DGKB: variants seen among roughly 807,000 people sequenced by gnomAD.
DGKB encodes the protein diacylglycerol kinase beta.
In DGKB, 67 loss-of-function variants were observed where a neutral mutation model predicts 114.3. That is an observed-to-expected ratio of 0.59 (90% CI 0.48 to 0.72). The LOEUF is 0.72. DGKB is among the 30% of genes least tolerant of loss of function. DGKB has a pLI of 0.00. For missense variants in DGKB, 907 were observed against 975.2 expected (o/e 0.93, Z 0.93); for synonymous variants, 398 against 323.1 (o/e 1.23, Z -2.49).
At chr7:14,423,392 T>C (rs763306052) in intron 21 of DGKB, among the ~76,000 whole-genome samples, 48 of 152,138 alleles carry the variant, frequency 3.2e-4, no homozygotes, top group Middle Eastern at 3.4e-3. Flanking sequence ...TACTTGAAAA[T>C]TAGTAAAATT....
chr7:14,666,979 GATA>G (rs1026719039), intron 13 of DGKB, among the ~76,000 whole-genome samples: 16 of 151,916 alleles, frequency 1.1e-4, no homozygotes, highest in African/African-American at 3.6e-4. Context: ...AACACCATAT[GATA>G]ATAATTTTAA....
chr7:14,685,410 T>C, intron 9 of DGKB, 48 bp from the exon 10 acceptor site: 1 of 1,379,388 alleles, frequency 7.2e-7, no homozygotes. Flanking sequence ...AAATAAACAG[T>C]GAAAGATGTA....
At chr7:14,767,145 A>C (rs1189123576) in intron 2 of DGKB, among the ~76,000 whole-genome samples, 1 of 151,728 alleles carries the variant, frequency 6.6e-6, no homozygotes, top group Non-Finnish European at 1.5e-5. Flanking sequence ...TTTTTTTAAA[A>C]AAAGAGAAAA....
intron 13 of DGKB, among the ~76,000 whole-genome samples, chr7:14,664,601 CTT>C (rs965327830): frequency 6.6e-4 from 101 of 152,144 alleles, no homozygotes; most frequent in African/African-American, 2.4e-3. Flanking sequence ...TATGTACTCT[CTT>C]GTCACTGAGA....
chr7:14,367,066 T>C (rs1816797970), intron 21 of DGKB, among the ~76,000 whole-genome samples: 1 of 152,124 alleles, frequency 6.6e-6, no homozygotes, highest in Non-Finnish European at 1.5e-5. Context: ...GCTAGAGACA[T>C]GCGGTGCAAT....
At chr7:14,386,829 G>C (rs772287626) in intron 21 of DGKB, among the ~76,000 whole-genome samples, 3 of 152,006 alleles carry the variant, frequency 2.0e-5, no homozygotes, top group Non-Finnish European at 4.4e-5. Context: ...AAAAAGGAAA[G>C]AGAAACATTA....
intron 21 of DGKB, among the ~76,000 whole-genome samples, chr7:14,474,842 G>C (rs1206443286): frequency 1.4e-5 from 2 of 147,834 alleles, no homozygotes; most frequent in African/African-American, 5.0e-5. Context: ...TTTTTTTCTT[G>C]AGTCTAAAGG....
chr7:14,833,017 T>C (rs1396507865), intron 2 of DGKB, among the ~76,000 whole-genome samples: 1 of 152,094 alleles, frequency 6.6e-6, no homozygotes, highest in Non-Finnish European at 1.5e-5. Flanking sequence ...CTTTCCTGGA[T>C]TGGGTGAGCC....
intron 20 of DGKB, among the ~76,000 whole-genome samples, chr7:14,531,382 C>A (rs1389190992): frequency 3.3e-5 from 5 of 151,302 alleles, no homozygotes; most frequent in Admixed American, 6.6e-5. Flanking sequence ...AAAATCAATA[C>A]AGAAAAATTA....
intron 2 of DGKB, among the ~76,000 whole-genome samples, chr7:14,808,789 G>C (rs1446874335): frequency 6.6e-6 from 1 of 152,066 alleles, no homozygotes; most frequent in Non-Finnish European, 1.5e-5. Flanking sequence ...CTAGGGTATA[G>C]GTACTCCAAG....
At chr7:14,577,271 G>C (rs756091044) in intron 19 of DGKB, among the ~76,000 whole-genome samples, 2 of 152,080 alleles carry the variant, frequency 1.3e-5, no homozygotes, top group Non-Finnish European at 2.9e-5. Flanking sequence ...AAAAGTCATA[G>C]AAATTTTTGC....
intron 5 of DGKB, among the ~76,000 whole-genome samples, chr7:14,733,723 G>A (rs933747247): frequency 5.5e-4 from 77 of 139,972 alleles, no homozygotes; most frequent in African/African-American, 1.9e-3. Context: ...GAGAGAAAGA[G>A]AAAGAAATAA....
At chr7:14,239,616 A>G (rs368969478) in intron 23 of DGKB, among the ~76,000 whole-genome samples, 7 of 152,166 alleles carry the variant, frequency 4.6e-5, no homozygotes, top group Non-Finnish European at 2.9e-5. Context: ...AGGAAAAAAG[A>G]GAGTAATAAC....
At position 14,152,243 on chromosome 7, in the gene DGKB, C is replaced by T. The variant is rs553900830; in HGVS notation, c.2305-3005G>A. On this transcript the variant is annotated intron_variant, in intron 25 of 25. Transcript: ENST00000402815. ...CCAAATGGCCTTTGAGTGCCTCCTT[C>T]TATTAAGCGTCAGGTAATTACTTCT... 4.5e-4 allele frequency among the ~76,000 whole-genome samples: 69 copies of T among 152,184 alleles called. 1 individual carries two copies. In the South Asian group the frequency reaches 0.014, roughly 32 times the overall value.
chr7:14,269,158 G>C (rs1797932782), intron 23 of DGKB: 1 of 152,264 alleles, frequency 6.6e-6, no homozygotes, highest in Non-Finnish European at 1.5e-5. Context: ...CTGTGGAGCT[G>C]CTTGATCTCC....
At chr7:14,194,842 C>T (rs187751633) in intron 23 of DGKB, among the ~76,000 whole-genome samples, 137 of 151,702 alleles carry the variant, frequency 9.0e-4, no homozygotes, top group Non-Finnish European at 1.5e-3. Context: ...CTCCTTTAAA[C>T]GAGTCTAAAA....
At chr7:14,901,605 A>AAACC (rs1562855781) in intron 1 of DGKB, among the ~76,000 whole-genome samples, 1 of 123,094 alleles carries the variant, frequency 8.1e-6, no homozygotes, top group African/African-American at 3.1e-5. Context: ...AGGGATTTCC[A>AAACC]CCCCCCCCCA....
At chr7:14,682,979 G>A (rs1821090869) in intron 10 of DGKB, 138 bp from the exon 11 acceptor site, 1 of 646,130 alleles carries the variant, frequency 1.5e-6, no homozygotes, top group African/African-American at 1.8e-5. Context: ...TCAAGGAGAA[G>A]TCCAAGTCGA....
intron 13 of DGKB, among the ~76,000 whole-genome samples, chr7:14,636,528 T>C (rs1387008362): frequency 1.3e-5 from 2 of 151,878 alleles, no homozygotes; most frequent in Non-Finnish European, 3.0e-5. Context: ...CTATGTAATG[T>C]TATATACATC....
Sources: allele counts gnomAD v4.1 joint callset (sites outside exome capture counted in the v4.1 genomes callset), GRCh38; gene constraint gnomAD v4.1.1; transcripts MANE v1.5; gene names NCBI Gene and HGNC (gene_info 2026-07-23, HGNC 2026-07-21).